Variants in WDFY4 observed in about 807,000 individuals in gnomAD.
The protein encoded by WDFY4 is WDFY family member 4, also known as WD repeat- and FYVE domain-containing protein 4.
WDFY4 carries 169 observed loss-of-function variants against 351.9 expected under a neutral mutation model. The observed-to-expected ratio is 0.48, with a 90% CI of 0.42 to 0.55. The LOEUF is 0.55. WDFY4 is among the 20% of genes least tolerant of loss of function. The probability of loss-of-function intolerance (pLI) is 0.00; values close to 1 mark genes in which losing one functional copy is unlikely to be tolerated. For missense variants in WDFY4, 3,803 were observed against 3,935.6 expected (o/e 0.97, Z 0.90); for synonymous variants, 1,622 against 1,574.6 (o/e 1.03, Z -0.71).
chr10:48,877,011 G>C (rs113025492), intron 42 of WDFY4, 22 bp from the exon 43 acceptor site: 4 of 1,451,272 alleles, frequency 2.8e-6, no homozygotes, highest in Admixed American at 2.8e-5. Flanking sequence ...TCAACACCAC[G>C]TGTCCCTTTA....
chr10:48,820,030 C>T (rs2067761795), intron 32 of WDFY4, among the ~76,000 whole-genome samples: 1 of 152,188 alleles, frequency 6.6e-6, no homozygotes, highest in Admixed American at 6.5e-5. Context: ...CTTTGCACAA[C>T]ACTTGGCATC....
chr10:48,975,246 G>T, intron 58 of WDFY4: 2 of 712,648 alleles, frequency 2.8e-6, no homozygotes, highest in Non-Finnish European at 4.7e-6. Flanking sequence ...TCCTCCCTCT[G>T]GTGTTGGGGA....
At chr10:48,715,653 G>A (rs1489543008) in intron 2 of WDFY4, among the ~76,000 whole-genome samples, 3 of 152,038 alleles carry the variant, frequency 2.0e-5, no homozygotes, top group African/African-American at 7.2e-5. Context: ...TTGAGAGGGA[G>A]TCTCACTCTG....
intron 47 of WDFY4, among the ~76,000 whole-genome samples, chr10:48,927,285 G>A (rs546760283): frequency 1.3e-5 from 2 of 152,178 alleles, no homozygotes; most frequent in Non-Finnish European, 1.5e-5. Context: ...CATCATGCCC[G>A]TGTCTTCATA....
intron 1 of WDFY4, among the ~76,000 whole-genome samples, chr10:48,706,630 T>C (rs1364106794): frequency 6.6e-6 from 1 of 152,206 alleles, no homozygotes; most frequent in African/African-American, 2.4e-5. Flanking sequence ...TGTCCCTTGA[T>C]AGGATTGGTG....
chr10:48,787,936 CTTCTTCTTCTT>C lies in WDFY4; in HGVS notation c.3809-593_3809-583del, dbSNP rs1565199003. Among the ~76,000 whole-genome samples, 162 of 98,356 alleles carry C rather than the reference CTTCTTCTTCTT, an allele frequency of 1.6e-3. 3 individuals are homozygous for C. Among genetic ancestry groups the C allele is most frequent in the Admixed American group, 2.6e-3 (23 of 8,892 alleles). 64.5% of individuals were successfully genotyped at this position (98,356 alleles called of 152,430 possible). A position where few individuals can be genotyped will look rare whatever the true frequency, so the allele number is the denominator to read the frequency against. On this transcript the variant is annotated intron_variant, in intron 20 of 61. Coordinates refer to ENST00000325239, the MANE Select transcript of WDFY4 (RefSeq NM_001394531.1). ...TCTTCTTCTTCTTCTTCTTCTTCTT[CTTCTTCTTCTT>C]CTTCTTCTTCTTCTTCTTCTTCTTC... is the stretch of plus-strand genomic sequence containing the variant.
At chr10:48,721,216 A>T (rs1423401807) in intron 3 of WDFY4, 45 bp from the exon 4 acceptor site, 1 of 1,521,130 alleles carries the variant, frequency 6.6e-7, no homozygotes, top group Non-Finnish European at 8.9e-7. Context: ...GGGGAAGCTG[A>T]GTGGGCAGGT....
intron 12 of WDFY4, chr10:48,746,260 A>G (rs2065012147): frequency 6.6e-6 from 1 of 152,276 alleles, no homozygotes; most frequent in Non-Finnish European, 1.5e-5. Flanking sequence ...TGTAAGAATC[A>G]TACATATTTA....
At position 48,732,241 on chromosome 10, in the gene WDFY4, A is replaced by G. The variant is rs529341908; in HGVS notation, c.1582+679A>G. Reference sequence around the variant, plus strand: ...GCACATATCCTGCTGGAGTCACTCTATGTGGTGGTCTTTAACTACCATCTC... The same window carrying G: ...GCACATATCCTGCTGGAGTCACTCTGTGTGGTGGTCTTTAACTACCATCTC... On this transcript the variant is annotated intron_variant, in intron 9 of 61. Transcript: ENST00000325239. Among the ~76,000 whole-genome samples, 12 of 152,184 alleles carry G rather than the reference A, an allele frequency of 7.9e-5. No homozygotes were observed. In the East Asian group the frequency reaches 2.3e-3, roughly 29 times the overall value.
chr10:48,730,301 G>A (rs2064415076), intron 8 of WDFY4, among the ~76,000 whole-genome samples: 1 of 152,250 alleles, frequency 6.6e-6, no homozygotes, highest in Non-Finnish European at 1.5e-5. Context: ...CAGAATAGAG[G>A]CAGGGAGGCT....
chr10:48,698,023 G>A (rs953197479), intron 1 of WDFY4, among the ~76,000 whole-genome samples: 4 of 152,132 alleles, frequency 2.6e-5, no homozygotes, highest in Non-Finnish European at 5.9e-5. Flanking sequence ...ACGGTCCTGT[G>A]CCCCAGCTCT....
At chr10:48,758,751 A>G (rs2065408997) in intron 12 of WDFY4, among the ~76,000 whole-genome samples, 1 of 151,666 alleles carries the variant, frequency 6.6e-6, no homozygotes, top group Admixed American at 6.6e-5. Context: ...ATTCTTTTTT[A>G]TTGCTTCTAT....
intron 51 of WDFY4, among the ~76,000 whole-genome samples, chr10:48,951,733 G>A (rs1841332811): frequency 6.6e-6 from 1 of 152,204 alleles, no homozygotes; most frequent in African/African-American, 2.4e-5. Context: ...GTGTCTGTGA[G>A]TCTCCAGAAA....
chr10:48,778,266 G>A (rs761461478), intron 17 of WDFY4, among the ~76,000 whole-genome samples: 1 of 152,220 alleles, frequency 6.6e-6, no homozygotes, highest in Non-Finnish European at 1.5e-5. Context: ...TGTCTATATC[G>A]CCAACCCTGT....
Position 48,787,909 on chromosome 10 carries a change from CTTCTTCTTCTT to C in WDFY4, c.3809-620_3809-610del, listed in dbSNP as rs1565198744. On this transcript the variant is annotated intron_variant, in intron 20 of 61. Coordinates refer to ENST00000325239, the MANE Select transcript of WDFY4 (RefSeq NM_001394531.1). ...TCTTCTTCTCCTTCTTCTTCTTCTTCTTCTTCTTCTTCTTCTTCTTCTTCTTCTTCTTCTTC... is the reference window on the plus strand; with the variant it reads ...TCTTCTTCTCCTTCTTCTTCTTCTTCCTTCTTCTTCTTCTTCTTCTTCTTC... Among the ~76,000 whole-genome samples the C allele has an allele frequency of 2.1e-4, 8 of 37,750 alleles. 1 individual carries two copies. The highest frequency in any genetic ancestry group is 8.9e-4 in the African/African-American group (6 of 6,746). 24.8% of individuals were successfully genotyped at this position (37,750 alleles called of 152,430 possible). A position where few individuals can be genotyped will look rare whatever the true frequency, so the allele number is the denominator to read the frequency against.
At chr10:48,861,289 T>A (rs186860003) in intron 39 of WDFY4, among the ~76,000 whole-genome samples, 1 of 152,322 alleles carries the variant, frequency 6.6e-6, no homozygotes, top group Non-Finnish European at 1.5e-5. Flanking sequence ...CTTACTATAT[T>A]CCTTTTTTCT....
chr10:48,745,872 A>T (rs1565154553), intron 12 of WDFY4: 2 of 310,508 alleles, frequency 6.4e-6, no homozygotes, highest in East Asian at 1.8e-4. Context: ...GGCCTTGCGG[A>T]CCGCGGGCCC....
intron 39 of WDFY4, among the ~76,000 whole-genome samples, chr10:48,855,828 T>C (rs1450334583): frequency 6.6e-6 from 1 of 152,080 alleles, no homozygotes. Flanking sequence ...ACTTATAAGT[T>C]TTATAACTTT....
intron 47 of WDFY4, among the ~76,000 whole-genome samples, chr10:48,923,526 G>A (rs10857659): frequency 0.5 from 59,878 of 120,018 alleles, 19,318 homozygotes; most frequent in East Asian, 0.99. Context: ...CCCAAATACC[G>A]CATAGTCCTG....
Sources: allele counts gnomAD v4.1 joint callset (sites outside exome capture counted in the v4.1 genomes callset), GRCh38; gene constraint gnomAD v4.1.1; transcripts MANE v1.5; gene names NCBI Gene and HGNC (gene_info 2026-07-23, HGNC 2026-07-21).